Variants in WNT2B observed in about 807,000 individuals in gnomAD.
WNT2B encodes the protein protein Wnt-2b.
A neutral mutation model predicts 40.5 loss-of-function variants in WNT2B; 19 were observed. That is an observed-to-expected ratio of 0.47 (90% CI 0.33 to 0.69). The LOEUF is 0.69. Among genes scored for constraint, WNT2B ranks in the 30% least tolerant of loss-of-function variants. WNT2B has a pLI of 0.02. For synonymous variants in WNT2B, 220 were observed against 211.9 expected (o/e 1.04, Z -0.33); for missense variants, 467 against 556.4 (o/e 0.84, Z 1.62).
rs557857418 is a variant in WNT2B, at chr1:112,518,349, G to A, written c.946+964G>A. 9.2e-5 allele frequency: 14 copies of A among 152,296 alleles called. No homozygotes were observed. In the South Asian group the frequency reaches 2.9e-3, roughly 32 times the overall value. 9.4% of individuals were successfully genotyped at this position (152,296 alleles called of 1,614,324 possible). On this transcript the variant is annotated intron_variant, in intron 4 of 4. Coordinates refer to ENST00000369684, the MANE Select transcript of WNT2B (RefSeq NM_024494.3). Reference sequence around the variant, plus strand: ...TTCTACAGGCTCAGCGTCAGGACTTGGGTGAAGTGGAGCCAAAAAACCTCA... The same window carrying A: ...TTCTACAGGCTCAGCGTCAGGACTTAGGTGAAGTGGAGCCAAAAAACCTCA...
At chr1:112,496,140 G>A (rs749630072) in intron 1 of WNT2B, among the ~76,000 whole-genome samples, 9 of 152,082 alleles carry the variant, frequency 5.9e-5, no homozygotes, top group Non-Finnish European at 1.2e-4. Flanking sequence ...TAGAGACAGG[G>A]TCCCCCTCTG....
At chr1:112,473,926 G>T (rs964631294) in intron 1 of WNT2B, among the ~76,000 whole-genome samples, 2 of 150,506 alleles carry the variant, frequency 1.3e-5, no homozygotes, top group Non-Finnish European at 3.0e-5. Context: ...TTAGCCGGGC[G>T]TGGTGGCAGG....
chr1:112,504,257 C>A (rs3790604), upstream of WNT2B, among the ~76,000 whole-genome samples: 12,359 of 151,802 alleles, frequency 0.081, 888 homozygotes, highest in East Asian at 0.31. Flanking sequence ...CCATTCCCTG[C>A]CCCCATCGTC....
Position 112,520,229 on chromosome 1 carries a change from G to C in WNT2B, c.947-51G>C, listed in dbSNP as rs759447633. The C allele has an allele frequency of 3.2e-6, 5 of 1,543,990 alleles. No homozygotes were observed. In the South Asian group the frequency reaches 5.8e-5, roughly 18 times the overall value. On this transcript the variant is annotated intron_variant, in intron 4 of 4. Coordinates refer to ENST00000369684, the MANE Select transcript of WNT2B (RefSeq NM_024494.3). ...CTGAGAATGTGGTTAAGGGTATCCA[G>C]GGCAGCTGAAGAGATAACTTTGTTC... is the stretch of plus-strand genomic sequence containing the variant.
intron 1 of WNT2B, among the ~76,000 whole-genome samples, chr1:112,478,645 G>T (rs1001467993): frequency 3.9e-5 from 6 of 152,104 alleles, no homozygotes; most frequent in Admixed American, 6.5e-5. Context: ...GAGAGGCTGG[G>T]CATGGTGGCT....
chr1:112,520,072 A>G (rs1652780958), intron 4 of WNT2B, among the ~76,000 whole-genome samples: 1 of 151,614 alleles, frequency 6.6e-6, no homozygotes, highest in African/African-American at 2.4e-5. Flanking sequence ...AGGGCTTGCT[A>G]TGTTTCCCAG....
rs185914515 is a variant in WNT2B at position 112,478,211 on chromosome 1, G to A, written c.-95+10620G>A. 2.0e-3 allele frequency among the ~76,000 whole-genome samples: 306 copies of A among 152,082 alleles called. 3 individuals carry two copies. The highest frequency in any genetic ancestry group is 7.0e-3 in the African/African-American group (291 of 41,478). ...ATTGCACCACTGCACTCCAGCCTGG[G>A]CAACAAAGCAAGATGCTGTCTCAAA... is the stretch of plus-strand genomic sequence containing the variant. On this transcript the variant is annotated intron_variant, in intron 1 of 4. Coordinates refer to the WNT2B transcript ENST00000256640.
intron 1 of WNT2B, among the ~76,000 whole-genome samples, chr1:112,488,793 A>T (rs1651502826): frequency 6.6e-6 from 1 of 151,928 alleles, no homozygotes; most frequent in South Asian, 2.1e-4. Flanking sequence ...TGACCTCGTG[A>T]TCTGCCTGCC....
At chr1:112,485,460 C>T (rs1323560097) in intron 1 of WNT2B, among the ~76,000 whole-genome samples, 1 of 129,088 alleles carries the variant, frequency 7.7e-6, no homozygotes, top group African/African-American at 2.9e-5. Context: ...GACTCTGTCT[C>T]AAAAAAAAAA....
intron 1 of WNT2B, among the ~76,000 whole-genome samples, chr1:112,486,853 G>A (rs1490521908): frequency 6.6e-6 from 1 of 152,148 alleles, no homozygotes; most frequent in African/African-American, 2.4e-5. Context: ...AGAATGTAGA[G>A]CAACTAGAAC....
chr1:112,478,804 T>C (rs1651130260), intron 1 of WNT2B, among the ~76,000 whole-genome samples: 1 of 152,044 alleles, frequency 6.6e-6, no homozygotes, highest in Non-Finnish European at 1.5e-5. Flanking sequence ...ACTCCTGTAG[T>C]CCCAGATACC....
At chr1:112,503,098 A>G (rs573680990) in intron 1 of WNT2B, among the ~76,000 whole-genome samples, 1 of 152,280 alleles carries the variant, frequency 6.6e-6, no homozygotes, top group East Asian at 1.9e-4. Context: ...GGCCCCAGAA[A>G]GGGACCTTGT....
At chr1:112,473,209 G>A (rs1650945947) in intron 1 of WNT2B, among the ~76,000 whole-genome samples, 2 of 143,956 alleles carry the variant, frequency 1.4e-5, no homozygotes, top group Admixed American at 1.4e-4. Flanking sequence ...AGGGAAGGAG[G>A]GAGGGAGAGG....
Position 112,520,544 on chromosome 1 carries a change from G to A in WNT2B, c.*35G>A. 1 of 1,602,936 alleles carries A rather than the reference G, an allele frequency of 6.2e-7. No individual in the cohort carries two copies. Among genetic ancestry groups the A allele is most frequent in the Non-Finnish European group, 8.5e-7 (1 of 1,173,254 alleles). On this transcript the variant is annotated 3_prime_UTR_variant, in exon 5 of 5. Coordinates refer to ENST00000369684, the MANE Select transcript of WNT2B (RefSeq NM_024494.3). ...TACCTCACTCATCCCTCCAATTCAA[G>A]CCTCTCAACTCAAAAGCACAAGATC... is the stretch of plus-strand genomic sequence containing the variant.
At chr1:112,486,245 C>A (rs553787768) in intron 1 of WNT2B, among the ~76,000 whole-genome samples, 270 of 152,046 alleles carry the variant, frequency 1.8e-3, no homozygotes, top group African/African-American at 6.3e-3. Context: ...CAGTTTGAGG[C>A]CAGCCTGGGC....
chr1:112,467,399 C>T lies in WNT2B; in HGVS notation c.-287C>T, dbSNP rs1650739545. The T allele has an allele frequency of 6.4e-6, 4 of 626,036 alleles. No homozygotes were observed. In the South Asian group the frequency reaches 7.8e-5, roughly 12 times the overall value. 38.8% of individuals were successfully genotyped at this position (626,036 alleles called of 1,614,324 possible). On this transcript the variant is annotated 5_prime_UTR_variant, in exon 1 of 5. Coordinates refer to the WNT2B transcript ENST00000256640. ...ATGAGGTTTAAGCTTCGAGGCCCAT[C>T]ACTGGCATGGCCCCTTCCAAACCCT...
chr1:112,514,506 TTA>T (rs1652459207), intron 1 of WNT2B, among the ~76,000 whole-genome samples: 1 of 152,162 alleles, frequency 6.6e-6, no homozygotes, highest in Non-Finnish European at 1.5e-5. Flanking sequence ...TTTTGTTAGT[TTA>T]TGTTTCCATG....
rs1298856511 is a variant in WNT2B at position 112,509,068 on chromosome 1, G to T, written c.-195G>T. On this transcript the variant is annotated 5_prime_UTR_variant, in exon 1 of 5. Coordinates refer to ENST00000369684, the MANE Select transcript of WNT2B (RefSeq NM_024494.3). This position sits in a 1 kb window ranked among gnomAD's most constrained non-coding sequence, Gnocchi z 4.2. ...CCCCGGGTTCGGCACGCCGTCGTCG[G>T]CTTCCGGACATCGCAACTTGCGCCC... 7.4e-7 allele frequency: 1 copy of T among 1,350,588 alleles called. No individual in the cohort carries two copies. The highest frequency in any genetic ancestry group is 9.4e-7 in the Non-Finnish European group (1 of 1,060,502). 83.7% of individuals were successfully genotyped at this position (1,350,588 alleles called of 1,614,324 possible).
At position 112,526,712 on chromosome 1, in the gene WNT2B, C is replaced by G. The variant is rs1304130819; in HGVS notation, c.*6203C>G. 2 of 150,328 alleles carry G rather than the reference C, an allele frequency of 1.3e-5. No individual in the cohort carries two copies. The highest frequency in any genetic ancestry group is 2.9e-5 in the Non-Finnish European group (2 of 67,828). The allele number at this position is 150,328 out of a possible 1,614,324, so 9.3% of individuals were successfully genotyped here. On this transcript the variant is annotated 3_prime_UTR_variant, in exon 5 of 5. Transcript: ENST00000369684. ...GCCAAGATGCACCACTGCACTCCAG[C>G]CTGGGAGACAGAGCGAGACTCCGTC... is the stretch of plus-strand genomic sequence containing the variant.
Sources: gnomAD v4.1 joint callset for allele counts (sites outside exome capture counted in the v4.1 genomes callset) on GRCh38, gnomAD v4.1.1 for gene constraint, Gnocchi (gnomAD v3.1) non-coding constraint, MANE v1.5 for transcripts, NCBI Gene and HGNC (gene_info 2026-07-23, HGNC 2026-07-21) for gene names.